Variants in MACROH2A1 observed in about 807,000 individuals in gnomAD.
MACROH2A1 encodes core histone macro-H2A.1.
MACROH2A1 carries 2 observed loss-of-function variants against 31.6 expected under a neutral mutation model. The ratio of observed to expected loss-of-function variants is 0.06; its 90% CI spans 0.03 to 0.20. MACROH2A1 has a LOEUF of 0.20. Among genes scored for constraint, MACROH2A1 ranks in the 10% least tolerant of loss-of-function variants. MACROH2A1 has a pLI of 1.00. For synonymous variants in MACROH2A1, 169 were observed against 189.6 expected (o/e 0.89, Z 0.89); for missense variants, 230 against 474.0 (o/e 0.49, Z 4.78).
In MACROH2A1 at chr5:135,388,962, C is replaced by T; in HGVS notation, c.132G>A (p.Gly44=). ...GGACGGCGGCCATGTACACGGGTGCCCCCACTCCAATCCTGTACTTGGGGT... is the reference window on the plus strand; with the variant it reads ...GGACGGCGGCCATGTACACGGGTGCTCCCACTCCAATCCTGTACTTGGGGT... ...KGHPKYRIGV[G]APVYMAAVLE... The change falls in exon 2 of 9, where the codon GGG becomes GGA. Residue 44 remains glycine, a synonymous_variant. Coordinates refer to ENST00000511689, the MANE Select transcript of MACROH2A1 (RefSeq NM_138610.3). 6.2e-7 allele frequency: 1 copy of T among 1,612,620 alleles called. No individual in the cohort carries two copies. Among genetic ancestry groups the T allele is most frequent in the Non-Finnish European group, 8.5e-7 (1 of 1,178,840 alleles).
intron 2 of MACROH2A1, among the ~76,000 whole-genome samples, chr5:135,387,399 G>A (rs1766563406): frequency 6.6e-6 from 1 of 152,226 alleles, no homozygotes; most frequent in Non-Finnish European, 1.5e-5. Context: ...TGATGACTGT[G>A]TTTGCTATGG....
intron 5 of MACROH2A1, chr5:135,359,480 TG>T: frequency 1.0e-6 from 1 of 983,640 alleles, no homozygotes. Context: ...ATACAAAGAA[TG>T]GTTAAAAATG....
intron 2 of MACROH2A1, among the ~76,000 whole-genome samples, chr5:135,386,390 G>C (rs186787478): frequency 6.6e-6 from 1 of 152,234 alleles, no homozygotes; most frequent in Non-Finnish European, 1.5e-5. Context: ...ACTCAGTGCC[G>C]CATGCAGGCA....
At chr5:135,360,701 G>C in intron 4 of MACROH2A1, 94 bp from the exon 5 acceptor site, 1 of 844,384 alleles carries the variant, frequency 1.2e-6, no homozygotes, top group Non-Finnish European at 2.0e-6. Flanking sequence ...ACACCCAAGG[G>C]GAAACAGGAA....
At chr5:135,354,909 A>T (rs1405316475) in intron 5 of MACROH2A1, 1 of 369,532 alleles carries the variant, frequency 2.7e-6, no homozygotes, top group African/African-American at 2.1e-5. Flanking sequence ...GTTGGTGAGG[A>T]AGGCAGGCAA....
intron 2 of MACROH2A1, among the ~76,000 whole-genome samples, chr5:135,377,050 C>T (rs1202578890): frequency 2.6e-5 from 4 of 152,338 alleles, no homozygotes; most frequent in East Asian, 1.9e-4. Context: ...CGATTAACCT[C>T]GGTGCTGCCA....
intron 8 of MACROH2A1, among the ~76,000 whole-genome samples, chr5:135,341,015 T>C (rs1353165070): frequency 6.6e-6 from 1 of 152,264 alleles, no homozygotes; most frequent in Non-Finnish European, 1.5e-5. Flanking sequence ...AGATGCTCTT[T>C]TATGAGAATT....
In MACROH2A1 at chr5:135,346,026, C is replaced by T. The variant is rs1464476860; in HGVS notation, c.720G>A (p.Glu240=). The T allele has an allele frequency of 9.9e-6, 16 of 1,614,024 alleles. No homozygotes were observed. Among genetic ancestry groups the T allele is most frequent in the Non-Finnish European group, 1.4e-5 (16 of 1,179,864 alleles). ...GGAGTTCCAGGACAGCTTCCACAAA[C>T]TCCTTGCCACCTTTCTTCTCCAGCG... is the stretch of plus-strand genomic sequence containing the variant. ...GNTLEKKGGK[E]FVEAVLELRK... is the part of the protein sequence containing the mutation. The change falls in exon 7 of 9, where the codon GAG becomes GAA. Residue 240 remains glutamate (E), a synonymous_variant. Coordinates refer to ENST00000511689, the MANE Select transcript of MACROH2A1 (RefSeq NM_138610.3).
At chr5:135,388,206 A>T (rs1167886813) in intron 2 of MACROH2A1, among the ~76,000 whole-genome samples, 1 of 152,144 alleles carries the variant, frequency 6.6e-6, no homozygotes, top group Non-Finnish European at 1.5e-5. Flanking sequence ...GTAATATCAA[A>T]TTCAGGTAAG....
chr5:135,360,327 TC>T (rs769764953), intron 5 of MACROH2A1, 169 bp downstream of exon 5: 1 of 603,266 alleles, frequency 1.7e-6, no homozygotes. Flanking sequence ...CATTGTGGCC[TC>T]CCCAGCATCT....
At chr5:135,344,013 C>T (rs1187615169) in intron 7 of MACROH2A1, 1 of 155,198 alleles carries the variant, frequency 6.4e-6, no homozygotes, top group Non-Finnish European at 1.4e-5. Flanking sequence ...CTGAGGATGG[C>T]CTCACTGTGT....
intron 5 of MACROH2A1, chr5:135,356,807 A>G (rs1762229958): frequency 6.6e-6 from 1 of 152,212 alleles, no homozygotes. Flanking sequence ...GTTCTTTTAA[A>G]AAAATATGAT....
At chr5:135,380,082 C>T (rs1765451218) in intron 2 of MACROH2A1, among the ~76,000 whole-genome samples, 1 of 152,170 alleles carries the variant, frequency 6.6e-6, no homozygotes, top group Non-Finnish European at 1.5e-5. Flanking sequence ...TTTTCATCCT[C>T]ATCAATTTCC....
chr5:135,350,912 A>C (rs1391647633), intron 6 of MACROH2A1: 2 of 1,602,098 alleles, frequency 1.2e-6, no homozygotes, highest in Non-Finnish European at 1.7e-6. Flanking sequence ...TACAACTTGC[A>C]ACTATAACAG....
chr5:135,388,732 A>T (rs1393520645), intron 2 of MACROH2A1, among the ~76,000 whole-genome samples, 190 bp downstream of exon 2: 1 of 152,214 alleles, frequency 6.6e-6, no homozygotes, highest in Non-Finnish European at 1.5e-5. Flanking sequence ...CAATGAGGGG[A>T]GATAAGGCAG....
chr5:135,361,940 C>T (rs1384793956), intron 4 of MACROH2A1: 1 of 152,148 alleles, frequency 6.6e-6, no homozygotes, highest in South Asian at 2.1e-4. Flanking sequence ...AGAGAAAAAG[C>T]ACTTTATCAA....
chr5:135,383,591 T>C (rs1175471374), intron 2 of MACROH2A1, among the ~76,000 whole-genome samples: 4 of 152,166 alleles, frequency 2.6e-5, no homozygotes, highest in Non-Finnish European at 4.4e-5. Flanking sequence ...CCCGTGTGAT[T>C]AAGATAAAAT....
At chr5:135,357,776 A>C in intron 5 of MACROH2A1, 1 of 984,266 alleles carries the variant, frequency 1.0e-6, no homozygotes, top group South Asian at 4.7e-5. Context: ...GTGTGTGAAC[A>C]TTGGGCAAAA....
At chr5:135,347,506 C>T (rs1008570710) in intron 6 of MACROH2A1, 7 of 152,188 alleles carry the variant, frequency 4.6e-5, no homozygotes, top group African/African-American at 1.4e-4. Flanking sequence ...CCTGCCTCTA[C>T]CTGTCCTGGA....
Sources: gnomAD v4.1 joint callset for allele counts (sites outside exome capture counted in the v4.1 genomes callset) on GRCh38, gnomAD v4.1.1 for gene constraint, MANE v1.5 for transcripts, NCBI Gene and HGNC (gene_info 2026-07-23, HGNC 2026-07-21) for gene names.